The following GTF3C1 variants were observed in gnomAD, a reference collection of about 807,000 sequenced individuals.
The protein encoded by GTF3C1 is general transcription factor 3C polypeptide 1.
A neutral mutation model predicts 226.7 loss-of-function variants in GTF3C1; 57 were observed. The observed-to-expected ratio is 0.25, with a 90% confidence interval of 0.20 to 0.31. GTF3C1 has a LOEUF of 0.31. Among genes scored for constraint, GTF3C1 ranks in the 10% least tolerant of loss-of-function variants. The probability of loss-of-function intolerance (pLI) is 1.00; values close to 1 mark genes in which losing one functional copy is unlikely to be tolerated. For missense variants in GTF3C1, 2,217 were observed against 2,776.1 expected, an observed-to-expected ratio of 0.80 and a Z score of 4.53; for synonymous variants, 1,090 against 1,084.8, an observed-to-expected ratio of 1.00 and a Z score of -0.09.
intron 6 of GTF3C1, among the ~76,000 whole-genome samples, chr16:27,512,731 G>A (rs1416485160): frequency 3.9e-5 from 6 of 152,196 alleles, no homozygotes; most frequent in Admixed American, 1.3e-4. Context: ...CGTATATGTA[G>A]GTAAGAACTA....
rs2088478041 is a variant in GTF3C1, at chr16:27,505,965, G to A, written c.1704C>T (p.Ser568=). 6.2e-7 allele frequency: 1 copy of A among 1,613,502 alleles called. No homozygotes were observed. Among genetic ancestry groups the A allele is most frequent in the South Asian group, 1.1e-5 (1 of 91,074 alleles). ...SVSEPNVSFV[S]HCADSNSGDI... ...CACCACTGTTGCTGTCCGCACAGTGGGAGACAAAGGACACGTTGGGTTCTG... is the reference window on the plus strand; with the variant it reads ...CACCACTGTTGCTGTCCGCACAGTGAGAGACAAAGGACACGTTGGGTTCTG... The change falls in exon 10 of 37, where the codon TCC becomes TCT. Residue 568 remains serine (S), a synonymous_variant. Transcript: ENST00000356183.
intron 6 of GTF3C1, among the ~76,000 whole-genome samples, chr16:27,521,138 A>AC (rs1191091941): frequency 6.6e-6 from 1 of 152,250 alleles, no homozygotes; most frequent in Admixed American, 6.5e-5. Flanking sequence ...TAAGGAGGCC[A>AC]CATCCGTCAC....
At chr16:27,533,221 T>C in intron 5 of GTF3C1, 70 bp downstream of exon 5, 2 of 753,274 alleles carry the variant, frequency 2.7e-6, no homozygotes, top group Non-Finnish European at 4.8e-6. Context: ...CATTCCTCTA[T>C]GCCTGACAAG....
intron 11 of GTF3C1, among the ~76,000 whole-genome samples, chr16:27,501,685 A>G (rs2079583549): frequency 6.6e-6 from 1 of 152,222 alleles, no homozygotes; most frequent in Admixed American, 6.5e-5. Flanking sequence ...TAACACCCAG[A>G]TAAGGGCTGC....
chr16:27,486,323 C>T (rs1319271634), intron 23 of GTF3C1, among the ~76,000 whole-genome samples, 169 bp from the exon 24 acceptor site: 1 of 152,164 alleles, frequency 6.6e-6, no homozygotes, highest in African/African-American at 2.4e-5. Context: ...AAGACCCAGC[C>T]CCTTCTGATA....
At chr16:27,537,698 G>A (rs1193200230) in intron 4 of GTF3C1, 86 bp downstream of exon 4, 3 of 937,154 alleles carry the variant, frequency 3.2e-6, no homozygotes, top group African/African-American at 3.3e-5. Flanking sequence ...ATGAGCCACT[G>A]TACCCAGCTG....
chr16:27,485,749 G>A lies in GTF3C1; in HGVS notation c.3858+248C>T, dbSNP rs117671689. ...CCCAGGACTATGAGAGGCTGAGGTG[G>A]GATCACTTGAGGCCAGGTTGAGGAT... On this transcript the variant is annotated intron_variant, in intron 24 of 36. Coordinates refer to ENST00000356183, the MANE Select transcript of GTF3C1 (RefSeq NM_001520.4). Among the ~76,000 whole-genome samples, 13 of 152,334 alleles carry A rather than the reference G, an allele frequency of 8.5e-5. No homozygotes were observed. The East Asian group carries it at 2.3e-3, about 27-fold the overall frequency.
intron 6 of GTF3C1, among the ~76,000 whole-genome samples, chr16:27,526,027 AGGAG>A: frequency 6.6e-6 from 1 of 152,248 alleles, no homozygotes. Flanking sequence ...GGAAGTGGAG[AGGAG>A]GAAGGGAGAA....
rs372471459 is a variant in GTF3C1, at chr16:27,506,119, G to A, written c.1553-3C>T. 171 of 1,554,378 alleles carry A rather than the reference G, an allele frequency of 1.1e-4. No homozygotes were observed. The African/African-American group carries it at 2.0e-3, about 19-fold the overall frequency. ...TAGGTTTACAACTTTCCACCCACCT[G>A]TGGTGGAGGGAAGAGATAGAACAAA... On this transcript the variant is annotated splice_polypyrimidine_tract_variant and splice_region_variant and intron_variant, in intron 9 of 36. Coordinates refer to ENST00000356183, the MANE Select transcript of GTF3C1 (RefSeq NM_001520.4).
At chr16:27,478,328 A>G in intron 28 of GTF3C1, 141 bp downstream of exon 28, 1 of 662,084 alleles carries the variant, frequency 1.5e-6, no homozygotes, top group South Asian at 1.7e-5. Context: ...CAGAATGGGC[A>G]TGGCTGTATG....
chr16:27,506,170 C>T (rs2088481751), intron 9 of GTF3C1, 54 bp from the exon 10 acceptor site: 2 of 1,024,382 alleles, frequency 2.0e-6, no homozygotes, highest in Non-Finnish European at 3.0e-6. Flanking sequence ...GGAGGGCATT[C>T]ATGTTTGGCA....
chr16:27,480,917 G>A (rs2088034100), intron 27 of GTF3C1, 162 bp downstream of exon 27: 1 of 622,924 alleles, frequency 1.6e-6, no homozygotes, highest in Non-Finnish European at 2.9e-6. Context: ...CCCATTCTGT[G>A]TTCAAGTCAC....
intron 32 of GTF3C1, among the ~76,000 whole-genome samples, chr16:27,466,905 G>A (rs2087794168): frequency 6.6e-6 from 1 of 152,214 alleles, no homozygotes; most frequent in African/African-American, 2.4e-5. Context: ...GGCTGAGAAA[G>A]GTGAGGAAGA....
At chr16:27,517,391 C>T (rs549077818) in intron 6 of GTF3C1, among the ~76,000 whole-genome samples, 139 of 152,188 alleles carry the variant, frequency 9.1e-4, no homozygotes, top group Non-Finnish European at 1.8e-3. Context: ...AATAAGCGCA[C>T]GTCATCCAGG....
intron 2 of GTF3C1, among the ~76,000 whole-genome samples, chr16:27,538,769 GC>G (rs1290481544): frequency 6.6e-6 from 1 of 152,110 alleles, no homozygotes; most frequent in African/African-American, 2.4e-5. Context: ...CAGGGGTGCT[GC>G]CCTTGCTGTT....
At chr16:27,510,919 T>C (rs1001236493) in intron 7 of GTF3C1, among the ~76,000 whole-genome samples, 1 of 152,242 alleles carries the variant, frequency 6.6e-6, no homozygotes, top group Non-Finnish European at 1.5e-5. Flanking sequence ...TGAATAATAA[T>C]AGTAATAGCT....
At chr16:27,468,986 T>C (rs1374096749) in intron 32 of GTF3C1, among the ~76,000 whole-genome samples, 2 of 150,646 alleles carry the variant, frequency 1.3e-5, no homozygotes, top group Non-Finnish European at 3.0e-5. Flanking sequence ...GTGGGCGGGG[T>C]GGGGAAGCGG....
Position 27,461,180 on chromosome 16 carries a change from G to A in GTF3C1, c.*170C>T, listed in dbSNP as rs2087697145. 1.7e-6 allele frequency: 1 copy of A among 583,534 alleles called. No homozygotes were observed. The highest frequency in any genetic ancestry group is 3.1e-6 in the Non-Finnish European group (1 of 326,618). 36.1% of individuals were successfully genotyped at this position (583,534 alleles called of 1,614,324 possible). A position where few individuals can be genotyped will look rare whatever the true frequency, so the allele number is the denominator to read the frequency against. On this transcript the variant is annotated 3_prime_UTR_variant, in exon 37 of 37. Coordinates refer to ENST00000356183, the MANE Select transcript of GTF3C1 (RefSeq NM_001520.4). The surrounding 1 kb of genome is among the most constrained non-coding windows in gnomAD (Gnocchi z 5.3). ...AGGTCGGGGAGCCCCTCTTTCCAGAGTTCCAGTACAGTGGGAAACGTGTCA... is the reference window on the plus strand; with the variant it reads ...AGGTCGGGGAGCCCCTCTTTCCAGAATTCCAGTACAGTGGGAAACGTGTCA...
At chr16:27,489,852 G>T in intron 19 of GTF3C1, 109 bp from the exon 20 acceptor site, 1 of 1,123,250 alleles carries the variant, frequency 8.9e-7, no homozygotes, top group Non-Finnish European at 1.3e-6. Flanking sequence ...CCTGTGAAAA[G>T]GCTCCCCGGC....
Sources: allele counts gnomAD v4.1 joint callset (sites outside exome capture counted in the v4.1 genomes callset), GRCh38; gene constraint gnomAD v4.1.1; non-coding constraint Gnocchi (gnomAD v3.1); transcripts MANE v1.5; gene names NCBI Gene and HGNC (gene_info 2026-07-23, HGNC 2026-07-21).